Variants in ATRNL1 observed in about 807,000 individuals in gnomAD.
ATRNL1 encodes attractin like 1.
Under a neutral mutation model 182.7 loss-of-function variants are expected in ATRNL1, and 95 were observed. The ratio of observed to expected loss-of-function variants is 0.52; its 90% CI spans 0.44 to 0.62. The LOEUF (loss-of-function observed/expected upper bound fraction) is 0.62, where lower values mean the gene tolerates loss of function less well. Ranked by LOEUF, ATRNL1 falls within the 20% of genes least tolerant of loss-of-function variation. The pLI, the probability that ATRNL1 is intolerant of heterozygous loss-of-function variation, is 0.00. For synonymous variants in ATRNL1, 576 were observed against 568.3 expected (o/e 1.01, Z -0.19); for missense variants, 1,471 against 1,679.5 (o/e 0.88, Z 2.17).
intron 28 of ATRNL1, among the ~76,000 whole-genome samples, chr10:115,871,469 TTG>T (rs59295682): frequency 0.011 from 1,610 of 140,278 alleles, 26 homozygotes; most frequent in Non-Finnish European, 0.013. Flanking sequence ...GTCAGATTCT[TTG>T]TGTGTGTGTA....
chr10:115,386,819 C>G (rs1484190519), intron 19 of ATRNL1, among the ~76,000 whole-genome samples: 6 of 107,572 alleles, frequency 5.6e-5, no homozygotes, highest in Non-Finnish European at 1.1e-4. Context: ...CCCCCCTCCC[C>G]CCACCCCACA....
intron 18 of ATRNL1, among the ~76,000 whole-genome samples, chr10:115,327,342 C>T (rs559679430): frequency 5.3e-5 from 8 of 151,906 alleles, no homozygotes; most frequent in Middle Eastern, 3.4e-3. Context: ...AAAATGCTCA[C>T]CATCACTGAC....
chr10:115,113,985 G>GT (rs145391113), intron 1 of ATRNL1, among the ~76,000 whole-genome samples: 7,049 of 150,536 alleles, frequency 0.047, 533 homozygotes, highest in African/African-American at 0.16. Context: ...ATTTTTATCT[G>GT]TTTTTTTTTC....
intron 26 of ATRNL1, among the ~76,000 whole-genome samples, chr10:115,581,808 T>C (rs1740646518): frequency 1.3e-5 from 2 of 151,574 alleles, no homozygotes; most frequent in African/African-American, 4.8e-5. Flanking sequence ...GTTAGTTACA[T>C]ATGTATACAT....
At chr10:115,153,491 A>T (rs1846347179) in intron 5 of ATRNL1, among the ~76,000 whole-genome samples, 1 of 152,022 alleles carries the variant, frequency 6.6e-6, no homozygotes, top group Admixed American at 6.6e-5. Context: ...TTTCTAGTTT[A>T]TTTGCGTAGA....
At chr10:115,414,069 C>T (rs1845272936) in intron 20 of ATRNL1, among the ~76,000 whole-genome samples, 1 of 152,054 alleles carries the variant, frequency 6.6e-6, no homozygotes, top group Non-Finnish European at 1.5e-5. Flanking sequence ...AGTATTTGTT[C>T]CTTCTTCTAC....
intron 1 of ATRNL1, among the ~76,000 whole-genome samples, chr10:115,094,586 G>A (rs1592087789): frequency 6.6e-6 from 1 of 152,110 alleles, no homozygotes; most frequent in Non-Finnish European, 1.5e-5. Flanking sequence ...GACTTGCTAA[G>A]TGCCAAACAC....
chr10:115,570,128 A>AT (rs1555003048), intron 26 of ATRNL1, among the ~76,000 whole-genome samples: 1 of 152,042 alleles, frequency 6.6e-6, no homozygotes, highest in Non-Finnish European at 1.5e-5. Context: ...TGCCCAGCTA[A>AT]TTTTTGTATT....
intron 26 of ATRNL1, among the ~76,000 whole-genome samples, chr10:115,562,870 G>T (rs1246223679): frequency 6.6e-6 from 1 of 152,034 alleles, no homozygotes; most frequent in Admixed American, 6.6e-5. Flanking sequence ...TGTGAGAATG[G>T]GCTAATACAT....
intron 26 of ATRNL1, among the ~76,000 whole-genome samples, chr10:115,596,962 G>T (rs1429035247): frequency 6.7e-6 from 1 of 148,646 alleles, no homozygotes; most frequent in Non-Finnish European, 1.5e-5. Flanking sequence ...TATTTTGGTT[G>T]CCAATAAGTA....
At chr10:115,763,573 G>C (rs1011889898) in intron 27 of ATRNL1, among the ~76,000 whole-genome samples, 1 of 152,086 alleles carries the variant, frequency 6.6e-6, no homozygotes, top group Admixed American at 6.6e-5. Flanking sequence ...AATGATGAGA[G>C]GCAAGGAAGG....
chr10:115,588,111 A>T (rs868911020), intron 26 of ATRNL1, among the ~76,000 whole-genome samples: 3 of 152,130 alleles, frequency 2.0e-5, no homozygotes, highest in South Asian at 4.1e-4. Flanking sequence ...CTAAAACATG[A>T]AGAGACAGTA....
At chr10:115,848,399 G>A (rs1950979098) in intron 28 of ATRNL1, among the ~76,000 whole-genome samples, 1 of 152,126 alleles carries the variant, frequency 6.6e-6, no homozygotes. Flanking sequence ...TTGTGAATGT[G>A]GAACCAAACT....
At chr10:115,759,841 A>ATTTTTTTTTTTTTT (rs58578796) in intron 27 of ATRNL1, among the ~76,000 whole-genome samples, 12 of 62,684 alleles carry the variant, frequency 1.9e-4, no homozygotes, top group African/African-American at 4.3e-4. Flanking sequence ...ACACCTGGCT[A>ATTTTTTTTTTTTTT]TTTTTTTTTT....
chr10:115,623,672 A>G (rs1857917093), intron 26 of ATRNL1, among the ~76,000 whole-genome samples: 1 of 152,110 alleles, frequency 6.6e-6, no homozygotes, highest in Non-Finnish European at 1.5e-5. Flanking sequence ...GTGGGGGTAA[A>G]CAAATACCAC....
chr10:115,580,735 C>T (rs556498532), intron 26 of ATRNL1, among the ~76,000 whole-genome samples: 85 of 151,576 alleles, frequency 5.6e-4, no homozygotes, highest in Admixed American at 2.5e-3. Flanking sequence ...GTAATTGTTA[C>T]CCATAAGTCC....
chr10:115,108,738 G>T (rs782487199), intron 1 of ATRNL1, among the ~76,000 whole-genome samples: 7 of 152,158 alleles, frequency 4.6e-5, no homozygotes, highest in Non-Finnish European at 8.8e-5. Context: ...CTCTCAGCTT[G>T]CAGGCTGCTC....
chr10:115,226,680 A>G (rs923284136), intron 9 of ATRNL1, among the ~76,000 whole-genome samples: 2 of 152,152 alleles, frequency 1.3e-5, no homozygotes, highest in African/African-American at 4.8e-5. Flanking sequence ...TTCAAACTGT[A>G]CTATAAAGCT....
At chr10:115,647,244 G>C (rs1193565757) in intron 26 of ATRNL1, among the ~76,000 whole-genome samples, 2 of 152,174 alleles carry the variant, frequency 1.3e-5, no homozygotes, top group Non-Finnish European at 2.9e-5. Context: ...ATTGTGAATA[G>C]TGCCACAGTA....
Sources: allele counts gnomAD v4.1 joint callset (sites outside exome capture counted in the v4.1 genomes callset), GRCh38; gene constraint gnomAD v4.1.1; transcripts MANE v1.5; gene names NCBI Gene and HGNC (gene_info 2026-07-23, HGNC 2026-07-21).